Variants in LOC400499 observed in about 807,000 individuals in gnomAD.
At chr16:11,477,945 T>A in the LOC400499 span, 4 of 398,682 alleles carry the variant, frequency 1.0e-5, no homozygotes, top group Admixed American at 4.4e-5. Flanking sequence ...CCAGACACGG[T>A]GGGAAAGACC....
At chr16:11,376,098 T>C in the LOC400499 span, among the ~76,000 whole-genome samples, 6 of 152,230 alleles carry the variant, frequency 3.9e-5, no homozygotes, top group Admixed American at 1.3e-4. Flanking sequence ...GTGCTTTATG[T>C]ATTCTAGATG....
At chr16:11,507,079 C>A in the LOC400499 span, among the ~76,000 whole-genome samples, 1 of 149,416 alleles carries the variant, frequency 6.7e-6, no homozygotes, top group Non-Finnish European at 1.5e-5. Context: ...AGATCGAGGC[C>A]CACAGCCCTT....
chr16:11,442,982 C>T, the LOC400499 span, among the ~76,000 whole-genome samples: 8,983 of 152,142 alleles, frequency 0.059, 333 homozygotes, highest in East Asian at 0.14. Flanking sequence ...TCTCAATGCT[C>T]AACAGCTGCC....
At chr16:11,481,612 C>G in the LOC400499 span, among the ~76,000 whole-genome samples, 1 of 152,052 alleles carries the variant, frequency 6.6e-6, no homozygotes, top group Admixed American at 6.6e-5. Flanking sequence ...CATAAGCCAC[C>G]GCGCCCAGCC....
chr16:11,479,839 G>A, the LOC400499 span, among the ~76,000 whole-genome samples: 6 of 152,040 alleles, frequency 3.9e-5, no homozygotes, highest in South Asian at 1.0e-3. Context: ...TTTCCGTCCC[G>A]AGATCCAATC....
chr16:11,398,814 C>G, the LOC400499 span, among the ~76,000 whole-genome samples: 1 of 152,236 alleles, frequency 6.6e-6, no homozygotes, highest in East Asian at 1.9e-4. Flanking sequence ...TGCATGCCAC[C>G]ACGCCCAGTT....
the LOC400499 span, among the ~76,000 whole-genome samples, chr16:11,377,023 C>G: frequency 6.6e-6 from 1 of 150,724 alleles, no homozygotes; most frequent in Admixed American, 6.7e-5. Context: ...TAATCATCGT[C>G]AAAACTGACA....
the LOC400499 span, among the ~76,000 whole-genome samples, chr16:11,457,591 C>CAAAAA: frequency 1.0e-5 from 1 of 97,056 alleles, no homozygotes. Context: ...GACTCCATCT[C>CAAAAA]AAAAAAAAAA....
the LOC400499 span, among the ~76,000 whole-genome samples, chr16:11,482,582 T>C: frequency 1.3e-5 from 2 of 152,162 alleles, no homozygotes; most frequent in Admixed American, 6.6e-5. Context: ...ATTTCTGAGT[T>C]ACATATCTGA....
chr16:11,456,879 G>A, the LOC400499 span: 1 of 1,536,228 alleles, frequency 6.5e-7, no homozygotes. Context: ...CCACAGGGTG[G>A]CCCGAGATGT....
the LOC400499 span, chr16:11,385,284 C>G: frequency 1.1e-5 from 14 of 1,232,272 alleles, no homozygotes; most frequent in South Asian, 1.2e-4. Context: ...CGAGCCTGTC[C>G]GACTCAGCGT....
chr16:11,412,465 C>G, the LOC400499 span, among the ~76,000 whole-genome samples: 2 of 152,218 alleles, frequency 1.3e-5, no homozygotes, highest in African/African-American at 2.4e-5. Context: ...TTACTCACCC[C>G]CTCCCTCACT....
At chr16:11,391,687 GCTCCAGCCCCACCTGCAGCCA>G in the LOC400499 span, 5 of 1,232,214 alleles carry the variant, frequency 4.1e-6, no homozygotes, top group South Asian at 4.1e-5. Context: ...TCCCGCAGCT[GCTCCAGCCCCACCTGCAGCCA>G]CTCCAGGTAA....
At chr16:11,460,739 T>A in the LOC400499 span, 2 of 1,357,584 alleles carry the variant, frequency 1.5e-6, no homozygotes, top group African/African-American at 1.5e-5. Flanking sequence ...CACCTGTCAC[T>A]CCATTAGAAC....
At chr16:11,469,712 C>A in the LOC400499 span, 1 of 398,908 alleles carries the variant, frequency 2.5e-6, no homozygotes. Context: ...CCACCTGTAC[C>A]CTTCAGACAC....
chr16:11,469,145 A>C, the LOC400499 span: 5 of 399,428 alleles, frequency 1.3e-5, no homozygotes, highest in African/African-American at 1.0e-4. Flanking sequence ...TCAGGTGCAG[A>C]CACAGGTGGG....
At chr16:11,496,948 G>A in the LOC400499 span, among the ~76,000 whole-genome samples, 3 of 148,800 alleles carry the variant, frequency 2.0e-5, no homozygotes, top group East Asian at 5.9e-4. Flanking sequence ...ACAGGTCTAT[G>A]GTGTGGGTGT....
the LOC400499 span, chr16:11,402,349 C>T: frequency 2.0e-5 from 8 of 391,776 alleles, no homozygotes; most frequent in African/African-American, 6.2e-5. Flanking sequence ...CATTACCACT[C>T]GACACCCTGC....
At chr16:11,424,011 G>C in the LOC400499 span, 1 of 398,898 alleles carries the variant, frequency 2.5e-6, no homozygotes, top group East Asian at 3.6e-5. Flanking sequence ...CCGGCCGCCA[G>C]ACTACGTCCC....
Sources: allele counts gnomAD v4.1 joint callset (sites outside exome capture counted in the v4.1 genomes callset), GRCh38; gene constraint gnomAD v4.1.1; transcripts MANE v1.5.